The following ANK3 variants were observed in gnomAD, a reference collection of about 807,000 sequenced individuals.
The protein encoded by ANK3 is ankyrin 3.
Under a neutral mutation model 370.9 loss-of-function variants are expected in ANK3, and 57 were observed. The ratio of observed to expected loss-of-function variants is 0.15; its 90% confidence interval spans 0.12 to 0.19. The LOEUF (loss-of-function observed/expected upper bound fraction) is 0.19. Ranked by LOEUF, ANK3 falls within the 10% of genes least tolerant of loss-of-function variation. The pLI, the probability that ANK3 is intolerant of heterozygous loss-of-function variation, is 1.00. For missense variants in ANK3, 4,439 were observed against 5,302.1 expected, an observed-to-expected ratio of 0.84 and a Z score of 5.06; for synonymous variants, 1,929 against 1,946.3, an observed-to-expected ratio of 0.99 and a Z score of 0.23.
intron 28 of ANK3, among the ~76,000 whole-genome samples, chr10:60,100,136 T>A (rs2090931188): frequency 6.6e-6 from 1 of 151,988 alleles, no homozygotes; most frequent in Admixed American, 6.6e-5. Context: ...GGGACTGTTC[T>A]GCTACAGTTT....
At position 60,042,739 on chromosome 10, in the gene ANK3, C is replaced by G. The variant is rs768776250; in HGVS notation, c.13086G>C (p.Val4362=). The G allele has an allele frequency of 6.2e-7, 1 of 1,613,626 alleles. No individual in the cohort carries two copies. Among genetic ancestry groups the G allele is most frequent in the South Asian group, 1.1e-5 (1 of 91,074 alleles). Residue 4362 remains valine (V), a synonymous_variant, in exon 43 of 44, where the codon GTG becomes GTC. Coordinates refer to ENST00000280772, the MANE Select transcript of ANK3 (RefSeq NM_020987.5). ...CATGCCGGATTTCTTTCTTCGTTTT[C>G]ACCTTAAAACCTTCTCCCTGCTTTG... ...SEQKQGEGFK[V]KTKKEIRHVE...
chr10:60,053,717 G>A lies in ANK3; in HGVS notation c.13065+1941C>T, dbSNP rs774647799. 52 of 1,303,628 alleles carry A rather than the reference G, an allele frequency of 4.0e-5. No homozygotes were observed. The Middle Eastern group carries it at 6.4e-4, about 16-fold the overall frequency. 80.8% of individuals were successfully genotyped at this position (1,303,628 alleles called of 1,614,324 possible). ...AGTCATCCGTGTAGGAGCCGCACCC[G>A]GACTTTTGACCTGATTTTTTAGGGG... On this transcript the variant is annotated intron_variant, in intron 42 of 43. Transcript: ENST00000280772.
At chr10:60,713,851 G>A (rs1367407124) in intron 1 of ANK3, among the ~76,000 whole-genome samples, 1 of 151,766 alleles carries the variant, frequency 6.6e-6, no homozygotes, top group Non-Finnish European at 1.5e-5. Flanking sequence ...GGGCAACAGA[G>A]TGAGACTCCG....
intron 2 of ANK3, among the ~76,000 whole-genome samples, chr10:60,406,942 A>T (rs2063468405): frequency 6.6e-6 from 1 of 152,208 alleles, no homozygotes; most frequent in African/African-American, 2.4e-5. Flanking sequence ...AAGCCGTTTA[A>T]TGTCATTTGA....
At chr10:60,640,209 A>G (rs529072693) in intron 1 of ANK3, among the ~76,000 whole-genome samples, 1 of 151,380 alleles carries the variant, frequency 6.6e-6, no homozygotes, top group African/African-American at 2.4e-5. Flanking sequence ...TACGAGAGGT[A>G]CAAGGAGGAA....
At chr10:60,058,287 T>C (rs1045570940) in intron 41 of ANK3, among the ~76,000 whole-genome samples, 3 of 152,230 alleles carry the variant, frequency 2.0e-5, no homozygotes, top group African/African-American at 7.2e-5. Flanking sequence ...GATTTGAAAC[T>C]ATGTCTCAGA....
chr10:60,283,675 C>T (rs557548734), intron 1 of ANK3, among the ~76,000 whole-genome samples: 12 of 152,106 alleles, frequency 7.9e-5, no homozygotes, highest in Non-Finnish European at 1.3e-4. Context: ...AATAGCTTCA[C>T]GGATAGAGTC....
At chr10:60,051,506 G>A (rs1038856933) in intron 42 of ANK3, 2 of 985,068 alleles carry the variant, frequency 2.0e-6, no homozygotes, top group African/African-American at 1.8e-5. Context: ...AATAACTCGG[G>A]TAGTGACTCT....
intron 2 of ANK3, among the ~76,000 whole-genome samples, chr10:60,483,974 C>A (rs1023114490): frequency 6.6e-6 from 1 of 152,180 alleles, no homozygotes; most frequent in Non-Finnish European, 1.5e-5. Context: ...TGTTAGAGAA[C>A]AAAGTTAAGA....
chr10:60,707,312 A>G (rs2133425098), intron 1 of ANK3, among the ~76,000 whole-genome samples: 1 of 152,302 alleles, frequency 6.6e-6, no homozygotes, highest in Non-Finnish European at 1.5e-5. Flanking sequence ...TGACATTTTA[A>G]CCACTCACTT....
intron 42 of ANK3, among the ~76,000 whole-genome samples, chr10:60,046,062 G>A (rs917907355): frequency 3.9e-5 from 6 of 152,256 alleles, no homozygotes; most frequent in Middle Eastern, 3.4e-3. Context: ...GCTTGATCTT[G>A]TTTAGTGCAT....
At chr10:60,648,206 GC>G (rs1421994959) in intron 1 of ANK3, among the ~76,000 whole-genome samples, 2 of 137,128 alleles carry the variant, frequency 1.5e-5, no homozygotes, top group Non-Finnish European at 3.1e-5. Context: ...AGGCTGGAGT[GC>G]CATGGCACCA....
At chr10:60,435,677 C>T (rs1477689223) in intron 2 of ANK3, among the ~76,000 whole-genome samples, 1 of 152,244 alleles carries the variant, frequency 6.6e-6, no homozygotes, top group African/African-American at 2.4e-5. Flanking sequence ...ATTCTCCTCT[C>T]TTTCAGTCCT....
At chr10:60,354,210 ATCT>A (rs1487466865) in intron 1 of ANK3, among the ~76,000 whole-genome samples, 3 of 152,250 alleles carry the variant, frequency 2.0e-5, no homozygotes, top group Non-Finnish European at 2.9e-5. Flanking sequence ...TGCATGGCAC[ATCT>A]GCCACAAGAA....
chr10:60,363,616 G>T (rs2058966251), intron 1 of ANK3, among the ~76,000 whole-genome samples: 2 of 152,208 alleles, frequency 1.3e-5, no homozygotes, highest in South Asian at 4.1e-4. Context: ...GACTGTGATG[G>T]CCCCAAAGGG....
At chr10:60,631,328 A>C (rs1023604854) in intron 1 of ANK3, among the ~76,000 whole-genome samples, 1 of 152,064 alleles carries the variant, frequency 6.6e-6, no homozygotes, top group Non-Finnish European at 1.5e-5. Context: ...GGAGATCGAG[A>C]CCATCCTGGC....
At chr10:60,088,108 C>T (rs759511553) in intron 29 of ANK3, 39 bp downstream of exon 29, 1 of 1,540,450 alleles carries the variant, frequency 6.5e-7, no homozygotes, top group Admixed American at 1.7e-5. Flanking sequence ...CACATGCTCT[C>T]TGCGCATACT....
intron 7 of ANK3, among the ~76,000 whole-genome samples, chr10:60,238,142 G>C (rs1334557028): frequency 6.6e-6 from 1 of 152,160 alleles, no homozygotes; most frequent in Non-Finnish European, 1.5e-5. Context: ...GTACCTCAGG[G>C]CCACTCAACG....
chr10:60,106,208 A>G (rs2092144498), intron 27 of ANK3, 149 bp from the exon 28 acceptor site: 2 of 706,482 alleles, frequency 2.8e-6, no homozygotes, highest in Admixed American at 3.6e-5. Context: ...TCATTTGCTA[A>G]TTAAAGAATA....
Sources: allele counts gnomAD v4.1 joint callset (sites outside exome capture counted in the v4.1 genomes callset), GRCh38; gene constraint gnomAD v4.1.1; transcripts MANE v1.5; gene names NCBI Gene and HGNC (gene_info 2026-07-23, HGNC 2026-07-21).